Variants in NCOA2 observed in about 807,000 individuals in gnomAD.
NCOA2 encodes the protein nuclear receptor coactivator 2.
Under a neutral mutation model 145.1 loss-of-function variants are expected in NCOA2, and 21 were observed. The ratio of observed to expected loss-of-function variants is 0.14; its 90% CI spans 0.10 to 0.21. NCOA2 has a LOEUF of 0.21. NCOA2 is among the 10% of genes least tolerant of loss of function. The pLI, the probability that NCOA2 is intolerant of heterozygous loss-of-function variation, is 1.00. For missense variants in NCOA2, 1,472 were observed against 1,837.6 expected (o/e 0.80, Z 3.64); for synonymous variants, 619 against 637.5 (o/e 0.97, Z 0.44).
intron 9 of NCOA2, among the ~76,000 whole-genome samples, chr8:70,161,437 G>A (rs2977984): frequency 0.89 from 136,043 of 152,218 alleles, 61,242 homozygotes; most frequent in African/African-American, 0.95. Flanking sequence ...TTTCAAACTT[G>A]AAGAAAAATG....
At chr8:70,133,936 CCTTGAGGCCACGCGTCACCTGCTT>C (rs1160487768) in intron 15 of NCOA2, among the ~76,000 whole-genome samples, 1 of 152,186 alleles carries the variant, frequency 6.6e-6, no homozygotes, top group Admixed American at 6.5e-5. Context: ...GCTGAGGGTC[CCTTGAGGCCACGCGTCACCTGCTT>C]CCCCGACTTC....
chr8:70,323,664 A>T (rs1806292847), intron 1 of NCOA2, among the ~76,000 whole-genome samples: 1 of 152,222 alleles, frequency 6.6e-6, no homozygotes, highest in South Asian at 2.1e-4. Flanking sequence ...ACGATGTGTA[A>T]ATCAGACTAC....
At chr8:70,175,702 T>C (rs1040467103) in intron 4 of NCOA2, among the ~76,000 whole-genome samples, 1 of 152,368 alleles carries the variant, frequency 6.6e-6, no homozygotes, top group Admixed American at 6.5e-5. Flanking sequence ...AACACATACA[T>C]ATCAACAACT....
At chr8:70,165,462 G>A (rs1813499888) in intron 7 of NCOA2, among the ~76,000 whole-genome samples, 1 of 152,162 alleles carries the variant, frequency 6.6e-6, no homozygotes, top group South Asian at 2.1e-4. Context: ...ATTAGGAGTT[G>A]GCCTGTCTGA....
At chr8:70,232,870 T>TACACACACACACAC (rs71275059) in intron 2 of NCOA2, among the ~76,000 whole-genome samples, 67,756 of 144,998 alleles carry the variant, frequency 0.47, 16,298 homozygotes, top group Non-Finnish European at 0.52. Context: ...ATTTAGAATT[T>TACACACACACACAC]ACACACACAC....
In NCOA2 at chr8:70,267,340, C is replaced by A. The variant is rs537295175; in HGVS notation, c.-20+29404G>T. Among the ~76,000 whole-genome samples, 22 of 151,776 alleles carry A rather than the reference C, an allele frequency of 1.4e-4. No homozygotes were observed. In the East Asian group the frequency reaches 4.2e-3, roughly 29 times the overall value. On this transcript the variant is annotated intron_variant, in intron 2 of 22. Coordinates refer to ENST00000452400, the MANE Select transcript of NCOA2 (RefSeq NM_006540.4). ...TTTACTAGGTTATTTTCAACAGATG[C>A]CAATATCCTCATTTCCCACCAGAAG...
intron 2 of NCOA2, among the ~76,000 whole-genome samples, chr8:70,220,994 A>C (rs1321605592): frequency 6.6e-6 from 1 of 152,158 alleles, no homozygotes; most frequent in Non-Finnish European, 1.5e-5. Context: ...GAAATTCCCC[A>C]AGTTAGAAAC....
At chr8:70,231,982 T>A (rs1821179622) in intron 2 of NCOA2, among the ~76,000 whole-genome samples, 1 of 152,304 alleles carries the variant, frequency 6.6e-6, no homozygotes, top group East Asian at 1.9e-4. Flanking sequence ...GTGGATGAAC[T>A]AATGAGTATC....
chr8:70,248,833 T>G (rs1822845766), intron 2 of NCOA2, among the ~76,000 whole-genome samples: 1 of 151,214 alleles, frequency 6.6e-6, no homozygotes, highest in Non-Finnish European at 1.5e-5. Context: ...GAATCTAGTG[T>G]GCAGAACCCA....
At chr8:70,153,934 T>C (rs1812024966) in intron 11 of NCOA2, among the ~76,000 whole-genome samples, 2 of 152,260 alleles carry the variant, frequency 1.3e-5, no homozygotes, top group South Asian at 4.1e-4. Flanking sequence ...GTTTGAAAAA[T>C]TGTATCCGAC....
chr8:70,235,854 T>A (rs975363538), intron 2 of NCOA2, among the ~76,000 whole-genome samples: 1 of 151,996 alleles, frequency 6.6e-6, no homozygotes, highest in Non-Finnish European at 1.5e-5. Flanking sequence ...AAAAAACAAA[T>A]TTTTTTTCTT....
chr8:70,268,073 G>T (rs749371242), intron 2 of NCOA2, among the ~76,000 whole-genome samples: 17 of 152,194 alleles, frequency 1.1e-4, no homozygotes, highest in Non-Finnish European at 2.2e-4. Context: ...CCTGCTGGAT[G>T]CAGTTGCCCA....
At chr8:70,138,489 T>A (rs1810002053) in intron 14 of NCOA2, among the ~76,000 whole-genome samples, 157 bp from the exon 15 acceptor site, 1 of 152,238 alleles carries the variant, frequency 6.6e-6, no homozygotes, top group South Asian at 2.1e-4. Flanking sequence ...ATTCTGATTC[T>A]GAAATAGAAG....
intron 4 of NCOA2, among the ~76,000 whole-genome samples, chr8:70,184,654 T>G (rs1260016601): frequency 6.6e-6 from 1 of 152,004 alleles, no homozygotes; most frequent in Non-Finnish European, 1.5e-5. Flanking sequence ...ATGACTAAAA[T>G]AAAGCTGAAC....
chr8:70,280,733 A>T (rs1024569271), intron 2 of NCOA2, among the ~76,000 whole-genome samples: 23 of 119,604 alleles, frequency 1.9e-4, no homozygotes, highest in African/African-American at 7.2e-4. Flanking sequence ...ATAATCAGAA[A>T]ATTGGAGTCA....
At chr8:70,317,575 A>G (rs1805702957) in intron 1 of NCOA2, among the ~76,000 whole-genome samples, 1 of 152,204 alleles carries the variant, frequency 6.6e-6, no homozygotes. Flanking sequence ...TTATATGAGT[A>G]AGTGTTAGGT....
chr8:70,278,538 G>A (rs147974138), intron 2 of NCOA2, among the ~76,000 whole-genome samples: 28 of 152,088 alleles, frequency 1.8e-4, no homozygotes, highest in African/African-American at 5.8e-4. Context: ...CCTAGAATCC[G>A]CTTATCTTCA....
chr8:70,203,934 T>G (rs550142600), intron 4 of NCOA2, among the ~76,000 whole-genome samples: 3 of 152,188 alleles, frequency 2.0e-5, no homozygotes, highest in African/African-American at 7.2e-5. Context: ...AAACAATATG[T>G]CTATTTAAAA....
chr8:70,402,924 C>T (rs1474974939), intron 1 of NCOA2, among the ~76,000 whole-genome samples: 2 of 143,960 alleles, frequency 1.4e-5, no homozygotes, highest in Admixed American at 6.8e-5. Flanking sequence ...CCCAGCGCGC[C>T]GCCCGCCCCG....
Sources: allele counts gnomAD v4.1 joint callset (sites outside exome capture counted in the v4.1 genomes callset), GRCh38; gene constraint gnomAD v4.1.1; transcripts MANE v1.5; gene names NCBI Gene and HGNC (gene_info 2026-07-23, HGNC 2026-07-21).